Variants in CTTNBP2 observed in about 807,000 individuals in gnomAD.
CTTNBP2 encodes the protein cortactin binding protein 2.
In CTTNBP2, 108 loss-of-function variants were observed where a neutral mutation model predicts 156.9. That is an observed-to-expected ratio of 0.69 (90% confidence interval 0.59 to 0.81). The LOEUF (loss-of-function observed/expected upper bound fraction) is 0.81. Ranked by LOEUF, CTTNBP2 falls within the 30% of genes least tolerant of loss-of-function variation. The pLI, the probability that CTTNBP2 is intolerant of heterozygous loss-of-function variation, is 0.00. For missense variants in CTTNBP2, 1,924 were observed against 2,035.4 expected, an observed-to-expected ratio of 0.95 and a Z score of 1.05; for synonymous variants, 767 against 751.8, an observed-to-expected ratio of 1.02 and a Z score of -0.33.
intron 2 of CTTNBP2, among the ~76,000 whole-genome samples, chr7:117,859,950 A>C (rs903801798): frequency 1.3e-5 from 2 of 152,154 alleles, no homozygotes; most frequent in African/African-American, 4.8e-5. Flanking sequence ...CACACAACTG[A>C]GTTCTCCCCA....
rs1162689875 is a variant in CTTNBP2 at position 117,792,648 on chromosome 7, C to T, written c.548G>A (p.Gly183Asp). The T allele has an allele frequency of 1.9e-6, 3 of 1,614,028 alleles. No individual in the cohort carries two copies. The highest frequency in any genetic ancestry group is 8.5e-7 in the Non-Finnish European group (1 of 1,180,008). The change falls in exon 4 of 23, where the codon GGC becomes GAC. Residue 183 changes from glycine to aspartate, a missense_variant. Gly to Asp is a moderately conservative substitution (Grantham distance 94, BLOSUM62 -1). Transcript: ENST00000160373. This position sits in a 1 kb window ranked among gnomAD's most constrained non-coding sequence, Gnocchi z 4.2. ...CTTCTGGGCCTCCTCTATGACTTTG[C>T]CTGAGAGCTGCTTGCACTCTTTGAC... Reference protein sequence around the residue: ...MLVKECKQLSGKVIEEAQKLE... With the variant: ...MLVKECKQLSDKVIEEAQKLE...
In CTTNBP2 at chr7:117,746,324, T is replaced by C. The variant is rs529145209; in HGVS notation, c.3349-225A>G. Among the ~76,000 whole-genome samples, 7 of 147,292 alleles carry C rather than the reference T, an allele frequency of 4.8e-5. No individual in the cohort carries two copies. The South Asian group carries it at 1.1e-3, about 23-fold the overall frequency. On this transcript the variant is annotated intron_variant, in intron 12 of 22. Coordinates refer to ENST00000160373, the MANE Select transcript of CTTNBP2 (RefSeq NM_033427.3). ...AGCTGATACTTTATAAAAAAACACATTTTTTCCCTCTATTTTCCATAGCGA... is the reference window on the plus strand; with the variant it reads ...AGCTGATACTTTATAAAAAAACACACTTTTTCCCTCTATTTTCCATAGCGA...
rs1800804575 is a variant in CTTNBP2 at position 117,819,355 on chromosome 7, C to CTT, written c.190-8368_190-8367dup. On this transcript the variant is annotated intron_variant, in intron 2 of 22. Coordinates refer to ENST00000160373, the MANE Select transcript of CTTNBP2 (RefSeq NM_033427.3). The stretch of plus-strand genomic sequence containing the variant: ...ATTCACATACTCTTTCTCTTTTCTC[C>CTT]TTCTCTCTCTCTCACACACACACAC... 7.1e-5 allele frequency among the ~76,000 whole-genome samples: 3 copies of CTT among 42,124 alleles called. No individual in the cohort carries two copies. In the South Asian group the frequency reaches 2.4e-3, roughly 34 times the overall value. The allele number at this position is 42,124 out of a possible 152,430, so 27.6% of individuals were successfully genotyped here.
chr7:117,731,862 A>G (rs1268484194), intron 16 of CTTNBP2, among the ~76,000 whole-genome samples: 1 of 152,222 alleles, frequency 6.6e-6, no homozygotes, highest in Non-Finnish European at 1.5e-5. Flanking sequence ...ACTTAACACA[A>G]AATAGAGGGG....
chr7:117,731,867 G>T (rs1795419786), intron 16 of CTTNBP2, among the ~76,000 whole-genome samples: 1 of 152,182 alleles, frequency 6.6e-6, no homozygotes, highest in Admixed American at 6.5e-5. Flanking sequence ...ACACAAAATA[G>T]AGGGGCACGC....
At chr7:117,826,505 G>A (rs1036758090) in intron 2 of CTTNBP2, among the ~76,000 whole-genome samples, 78 of 151,860 alleles carry the variant, frequency 5.1e-4, no homozygotes, top group African/African-American at 1.8e-3. Flanking sequence ...CAGCTTTCAG[G>A]GTAAATTTAG....
intron 8 of CTTNBP2, among the ~76,000 whole-genome samples, chr7:117,774,645 A>G (rs1351494090): frequency 6.6e-6 from 1 of 150,504 alleles, no homozygotes; most frequent in Non-Finnish European, 1.5e-5. Context: ...CCATGGAAAA[A>G]TTGTCTTCCA....
At chr7:117,812,035 A>C (rs1368146644) in intron 2 of CTTNBP2, among the ~76,000 whole-genome samples, 1 of 151,984 alleles carries the variant, frequency 6.6e-6, no homozygotes, top group African/African-American at 2.4e-5. Flanking sequence ...AAAGGCATCT[A>C]TCTCTTTCTC....
At chr7:117,786,080 C>T (rs530692597) in intron 4 of CTTNBP2, among the ~76,000 whole-genome samples, 1 of 152,190 alleles carries the variant, frequency 6.6e-6, no homozygotes, top group Non-Finnish European at 1.5e-5. Context: ...CCTAAATTAT[C>T]TTAGCATTTT....
At chr7:117,810,482 C>A (rs962952114) in intron 3 of CTTNBP2, among the ~76,000 whole-genome samples, 3 of 151,912 alleles carry the variant, frequency 2.0e-5, no homozygotes, top group African/African-American at 7.3e-5. Context: ...CTAGGAAGTC[C>A]AAAAACATAT....
chr7:117,785,720 T>G (rs1363386239), intron 4 of CTTNBP2, among the ~76,000 whole-genome samples: 1 of 152,234 alleles, frequency 6.6e-6, no homozygotes, highest in Admixed American at 6.5e-5. Context: ...ATTTTTAAAA[T>G]GTTTTGTAAC....
Position 117,803,134 on chromosome 7 carries a change from G to GC in CTTNBP2, c.414+7630dup, listed in dbSNP as rs147496241. Among the ~76,000 whole-genome samples the GC allele has an allele frequency of 7.3e-3, 1,112 of 152,246 alleles. 12 individuals carry two copies. Among genetic ancestry groups the GC allele is most frequent in the African/African-American group, 0.024 (996 of 41,550 alleles). ...GCAAAGACATGGAATCAACCTAGGT[G>GC]CCCATCAACAGTGAACTGGATAAAG... is the stretch of plus-strand genomic sequence containing the variant. On this transcript the variant is annotated intron_variant, in intron 3 of 22. Coordinates refer to ENST00000160373, the MANE Select transcript of CTTNBP2 (RefSeq NM_033427.3).
In CTTNBP2 at chr7:117,860,993, G is replaced by A. The variant is rs549868841; in HGVS notation, c.189+216C>T. On this transcript the variant is annotated intron_variant, in intron 2 of 22. Coordinates refer to ENST00000160373, the MANE Select transcript of CTTNBP2 (RefSeq NM_033427.3). ...CAAGTTTCCCGTACTAAACAGTTTCGTCTCGGCCCCCAGCATTTCAATGAC... is the reference window on the plus strand; with the variant it reads ...CAAGTTTCCCGTACTAAACAGTTTCATCTCGGCCCCCAGCATTTCAATGAC... 6.6e-5 allele frequency among the ~76,000 whole-genome samples: 10 copies of A among 152,112 alleles called. No homozygotes were observed. The East Asian group carries it at 1.2e-3, about 18-fold the overall frequency.
At chr7:117,804,931 T>C (rs1226329254) in intron 3 of CTTNBP2, among the ~76,000 whole-genome samples, 2 of 152,220 alleles carry the variant, frequency 1.3e-5, no homozygotes, top group Non-Finnish European at 2.9e-5. Flanking sequence ...AAAAATTTCC[T>C]GCATGTTCAT....
intron 2 of CTTNBP2, among the ~76,000 whole-genome samples, chr7:117,834,925 C>T (rs1801833945): frequency 6.6e-6 from 1 of 152,240 alleles, no homozygotes; most frequent in Non-Finnish European, 1.5e-5. Flanking sequence ...TCAAAAGCTA[C>T]ACAGGAAAAT....
At chr7:117,726,006 G>A (rs1016054354) in intron 17 of CTTNBP2, among the ~76,000 whole-genome samples, 3 of 152,118 alleles carry the variant, frequency 2.0e-5, no homozygotes, top group Admixed American at 6.5e-5. Context: ...TATAATCACC[G>A]GCAAATTAAA....
intron 2 of CTTNBP2, among the ~76,000 whole-genome samples, chr7:117,845,000 C>T (rs1056859461): frequency 6.6e-6 from 1 of 152,066 alleles, no homozygotes; most frequent in African/African-American, 2.4e-5. Flanking sequence ...CATACAATTG[C>T]CAAGCAGCAA....
At chr7:117,747,932 C>A (rs1796423007) in intron 12 of CTTNBP2, among the ~76,000 whole-genome samples, 1 of 152,084 alleles carries the variant, frequency 6.6e-6, no homozygotes, top group African/African-American at 2.4e-5. Flanking sequence ...TGATGTTGGG[C>A]TTGGGACTGG....
intron 8 of CTTNBP2, among the ~76,000 whole-genome samples, chr7:117,776,594 C>T (rs36059768): frequency 0.048 from 7,373 of 152,290 alleles, 570 homozygotes; most frequent in African/African-American, 0.17. Flanking sequence ...GAACCACTCT[C>T]CTTTCTCAGT....
Sources: allele counts gnomAD v4.1 joint callset (sites outside exome capture counted in the v4.1 genomes callset), GRCh38; gene constraint gnomAD v4.1.1; non-coding constraint Gnocchi (gnomAD v3.1); transcripts MANE v1.5; gene names NCBI Gene and HGNC (gene_info 2026-07-23, HGNC 2026-07-21).